Variants in FBN1 observed in about 807,000 individuals in gnomAD.
The protein encoded by FBN1 is fibrillin 1, also known as fibrillin-1.
A neutral mutation model predicts 365.1 loss-of-function variants in FBN1; 29 were observed. The ratio of observed to expected loss-of-function variants is 0.08; its 90% confidence interval spans 0.06 to 0.11. The LOEUF (loss-of-function observed/expected upper bound fraction) is 0.11, where lower values mean the gene tolerates loss of function less well. Ranked by LOEUF, FBN1 falls within the 10% of genes least tolerant of loss-of-function variation. The pLI, the probability that FBN1 is intolerant of heterozygous loss-of-function variation, is 1.00. For missense variants in FBN1, 2,476 were observed against 3,703.2 expected (o/e 0.67, Z 8.60); for synonymous variants, 1,210 against 1,270.5 (o/e 0.95, Z 1.01).
intron 6 of FBN1, among the ~76,000 whole-genome samples, chr15:48,565,238 A>G (rs187412936): frequency 6.6e-6 from 1 of 152,320 alleles, no homozygotes; most frequent in Non-Finnish European, 1.5e-5. Context: ...ATACATGAAA[A>G]GTTCCCTTTC....
intron 4 of FBN1, among the ~76,000 whole-genome samples, chr15:48,602,744 T>TA (rs2044577134): frequency 6.6e-6 from 1 of 152,164 alleles, no homozygotes; most frequent in South Asian, 2.1e-4. Context: ...CTTTTTTAAC[T>TA]AAAAATCTGT....
At chr15:48,597,113 C>T (rs1597624146) in intron 5 of FBN1, among the ~76,000 whole-genome samples, 1 of 152,300 alleles carries the variant, frequency 6.6e-6, no homozygotes, top group East Asian at 1.9e-4. Flanking sequence ...CTCTTCAAAG[C>T]CCAGCTGAAA....
intron 25 of FBN1, among the ~76,000 whole-genome samples, chr15:48,489,198 ATATTTTTTTT>A (rs1173757594): frequency 3.5e-5 from 4 of 115,854 alleles, no homozygotes; most frequent in African/African-American, 1.3e-4. Flanking sequence ...CCATGCCTAG[ATATTTTTTTT>A]TTTTTTTTTT....
At chr15:48,512,909 G>C (rs1308358948) in intron 13 of FBN1, among the ~76,000 whole-genome samples, 1 of 152,144 alleles carries the variant, frequency 6.6e-6, no homozygotes, top group Admixed American at 6.5e-5. Flanking sequence ...CAGTACATAA[G>C]AGTCATTTAA....
chr15:48,577,942 G>A (rs2044361647), intron 6 of FBN1, among the ~76,000 whole-genome samples: 1 of 152,072 alleles, frequency 6.6e-6, no homozygotes, highest in African/African-American at 2.4e-5. Flanking sequence ...ATTGATTTGT[G>A]CAGCCTAACA....
chr15:48,414,200 A>C (rs1340238077), intron 64 of FBN1, among the ~76,000 whole-genome samples: 1 of 152,194 alleles, frequency 6.6e-6, no homozygotes, highest in African/African-American at 2.4e-5. Context: ...TCTGGCATTA[A>C]ACTATAAAGA....
At chr15:48,426,506 C>T (rs1467688663) in intron 58 of FBN1, among the ~76,000 whole-genome samples, 1 of 152,038 alleles carries the variant, frequency 6.6e-6, no homozygotes, top group East Asian at 1.9e-4. Flanking sequence ...CATGGCTGTA[C>T]CACAGAGAGA....
At position 48,516,214 on chromosome 15, in the gene FBN1, C is replaced by T. The variant is rs777926611; in HGVS notation, c.1296G>A (p.Val432=). ...GPQIPVPRPP[V]EYLYPSREPP... is the part of the protein sequence containing the mutation. ...GCTCCCGAGATGGATACAGATATTC[C>T]ACTGGTGGTCGAGGGACCGGAATTT... The change falls in exon 11 of 66, where the codon GTG becomes GTA. Residue 432 remains valine (V), a synonymous_variant. Coordinates refer to ENST00000316623, the MANE Select transcript of FBN1 (RefSeq NM_000138.5). 6.2e-7 allele frequency: 1 copy of T among 1,613,474 alleles called. No individual in the cohort carries two copies. The highest frequency in any genetic ancestry group is 8.5e-7 in the Non-Finnish European group (1 of 1,179,824).
intron 6 of FBN1, among the ~76,000 whole-genome samples, chr15:48,564,322 A>T (rs1368269626): frequency 6.6e-6 from 1 of 152,184 alleles, no homozygotes; most frequent in African/African-American, 2.4e-5. Flanking sequence ...ACCCCTTGCA[A>T]CCAGATCAAT....
In FBN1 at chr15:48,523,516, AT is replaced by A. The variant is rs528279047; in HGVS notation, c.988+2613del. On this transcript the variant is annotated intron_variant, in intron 9 of 65. Coordinates refer to ENST00000316623, the MANE Select transcript of FBN1 (RefSeq NM_000138.5). ...CATATAATAATAATTTTTCTAATTT[AT>A]TTTTTTGCTGAAGAAGCACCTTTGT... is the stretch of plus-strand genomic sequence containing the variant. Among the ~76,000 whole-genome samples the A allele has an allele frequency of 2.0e-5, 3 of 152,302 alleles. No homozygotes were observed. In the South Asian group the frequency reaches 6.2e-4, roughly 32 times the overall value.
At chr15:48,626,942 T>C (rs2140758953) in intron 2 of FBN1, among the ~76,000 whole-genome samples, 1 of 152,284 alleles carries the variant, frequency 6.6e-6, no homozygotes, top group South Asian at 2.1e-4. Context: ...CAAGAAAATG[T>C]ATTGGTGTGC....
chr15:48,491,048 C>A (rs576659081), intron 24 of FBN1, among the ~76,000 whole-genome samples: 1 of 152,228 alleles, frequency 6.6e-6, no homozygotes, highest in South Asian at 2.1e-4. Flanking sequence ...TCAGACTGCC[C>A]ATATTAAGAT....
intron 33 of FBN1, 74 bp downstream of exon 33, chr15:48,474,454 T>C: frequency 6.2e-7 from 1 of 1,611,726 alleles, no homozygotes; most frequent in South Asian, 1.1e-5. Flanking sequence ...TAAAATAACT[T>C]TACATAATTA....
intron 44 of FBN1, 46 bp from the exon 45 acceptor site, chr15:48,452,730 G>A (rs891166083): frequency 3.9e-5 from 63 of 1,610,170 alleles, no homozygotes; most frequent in Non-Finnish European, 5.1e-5. Flanking sequence ...AGAATCTGGT[G>A]TCCAGTCAAC....
At position 48,465,562 on chromosome 15, in the gene FBN1, A is replaced by G; in HGVS notation, c.4942+6T>C. 1.2e-6 allele frequency: 2 copies of G among 1,613,862 alleles called. No homozygotes were observed. Among genetic ancestry groups the G allele is most frequent in the Admixed American group, 1.7e-5 (1 of 60,010 alleles). On this transcript the variant is annotated splice_donor_region_variant and intron_variant, in intron 40 of 65. Coordinates refer to ENST00000316623, the MANE Select transcript of FBN1 (RefSeq NM_000138.5). The stretch of plus-strand genomic sequence containing the variant: ...AAGACCTTATCATCCTACCAGGACC[A>G]TTTACCATCACACACTCGTGTATCT...
intron 2 of FBN1, among the ~76,000 whole-genome samples, chr15:48,621,254 C>G (rs1260995037): frequency 3.3e-5 from 5 of 152,134 alleles, no homozygotes; most frequent in African/African-American, 1.2e-4. Flanking sequence ...TGACTGTCTT[C>G]CAAAGAGTAC....
At chr15:48,632,599 A>T (rs919600207) in intron 2 of FBN1, among the ~76,000 whole-genome samples, 12 of 152,104 alleles carry the variant, frequency 7.9e-5, no homozygotes, top group Non-Finnish European at 1.6e-4. Context: ...ACACTTCCAA[A>T]CCTCCCTGAA....
intron 48 of FBN1, among the ~76,000 whole-genome samples, 193 bp downstream of exon 48, chr15:48,445,182 AT>A (rs2043146341): frequency 7.1e-6 from 1 of 140,846 alleles, no homozygotes; most frequent in Non-Finnish European, 1.5e-5. Flanking sequence ...ACATATATAT[AT>A]GTATATATAT....
At chr15:48,524,175 T>C (rs1041949573) in intron 9 of FBN1, among the ~76,000 whole-genome samples, 2 of 151,988 alleles carry the variant, frequency 1.3e-5, no homozygotes, top group Admixed American at 1.3e-4. Flanking sequence ...ATATTACAAA[T>C]GCCACAGGAA....
Sources: allele counts gnomAD v4.1 joint callset (sites outside exome capture counted in the v4.1 genomes callset), GRCh38; gene constraint gnomAD v4.1.1; transcripts MANE v1.5; gene names NCBI Gene and HGNC (gene_info 2026-07-23, HGNC 2026-07-21).